Variants in GALNT13 observed in about 807,000 individuals in gnomAD.
GALNT13 encodes UDP-GalNAc:polypeptide N-acetylgalactosaminyltransferase 13.
In GALNT13, 28 loss-of-function variants were observed where a neutral mutation model predicts 64.2. The observed-to-expected ratio is 0.44, with a 90% CI of 0.32 to 0.60. The LOEUF (loss-of-function observed/expected upper bound fraction) is 0.60, where lower values mean the gene tolerates loss of function less well. GALNT13 is among the 20% of genes least tolerant of loss of function. The pLI is 0.05. For synonymous variants in GALNT13, 214 were observed against 224.6 expected, an observed-to-expected ratio of 0.95 and a Z score of 0.42; for missense variants, 577 against 669.8, an observed-to-expected ratio of 0.86 and a Z score of 1.53.
chr2:153,085,009 G>C, the GALNT13 span, among the ~76,000 whole-genome samples: 1 of 152,162 alleles, frequency 6.6e-6, no homozygotes, highest in African/African-American at 2.4e-5. Flanking sequence ...ATAGTGACAT[G>C]GACAATTAAG....
chr2:153,537,488 A>T, the GALNT13 span, among the ~76,000 whole-genome samples: 1 of 152,120 alleles, frequency 6.6e-6, no homozygotes, highest in South Asian at 2.1e-4. Context: ...GTCATTTCCT[A>T]AGTTGGAGAA....
chr2:153,802,621 A>G, the GALNT13 span, among the ~76,000 whole-genome samples: 3 of 152,344 alleles, frequency 2.0e-5, no homozygotes, highest in South Asian at 2.1e-4. Context: ...ATGGATGCCA[A>G]TTTCATGAAA....
the GALNT13 span, among the ~76,000 whole-genome samples, chr2:153,481,798 A>G: frequency 6.6e-6 from 1 of 152,318 alleles, no homozygotes; most frequent in East Asian, 1.9e-4. Flanking sequence ...TTGAAGTAGG[A>G]CCAGATACTC....
chr2:153,307,247 C>A, the GALNT13 span, among the ~76,000 whole-genome samples: 6 of 152,202 alleles, frequency 3.9e-5, no homozygotes, highest in African/African-American at 1.2e-4. Context: ...TAAAGGTTAG[C>A]TCTGAAATTG....
intron 4 of GALNT13, among the ~76,000 whole-genome samples, chr2:154,225,640 A>C (rs1267644864): frequency 6.6e-6 from 1 of 152,138 alleles, no homozygotes. Flanking sequence ...AATCACAGAC[A>C]AAGGGAGATT....
At chr2:153,910,598 C>T (rs187216456) in intron 2 of GALNT13, among the ~76,000 whole-genome samples, 63 of 152,080 alleles carry the variant, frequency 4.1e-4, no homozygotes, top group African/African-American at 1.2e-3. Flanking sequence ...ATCTTAACAC[C>T]GCCTTATCTG....
At chr2:154,142,098 C>A (rs886377756) in intron 4 of GALNT13, among the ~76,000 whole-genome samples, 2 of 152,064 alleles carry the variant, frequency 1.3e-5, no homozygotes, top group African/African-American at 4.8e-5. Flanking sequence ...AGAAATTGTT[C>A]TTTTAAGCAC....
chr2:153,417,884 A>G, the GALNT13 span, among the ~76,000 whole-genome samples: 3 of 152,194 alleles, frequency 2.0e-5, no homozygotes, highest in Non-Finnish European at 4.4e-5. Context: ...TGAGTCATAT[A>G]AATCACTGTA....
chr2:153,909,185 T>G (rs1189532204), intron 2 of GALNT13, among the ~76,000 whole-genome samples: 1 of 152,062 alleles, frequency 6.6e-6, no homozygotes, highest in Non-Finnish European at 1.5e-5. Flanking sequence ...CCTGACTTGG[T>G]TCTCAGCTTG....
chr2:153,260,594 T>A, the GALNT13 span, among the ~76,000 whole-genome samples: 1 of 152,178 alleles, frequency 6.6e-6, no homozygotes, highest in Non-Finnish European at 1.5e-5. Flanking sequence ...TTGTGTGTTA[T>A]TTGTTTGTTT....
intron 2 of GALNT13, among the ~76,000 whole-genome samples, chr2:153,928,071 G>A (rs372341941): frequency 1.9e-4 from 29 of 151,926 alleles, no homozygotes; most frequent in African/African-American, 6.5e-4. Context: ...TTGTGTCTAG[G>A]GTTCTGTGCT....
chr2:153,229,388 T>TTATAA, the GALNT13 span, among the ~76,000 whole-genome samples: 1 of 152,198 alleles, frequency 6.6e-6, no homozygotes, highest in South Asian at 2.1e-4. Context: ...AAGGATCTTA[T>TTATAA]CCTTTAGTCC....
chr2:154,336,344 T>C (rs1308757561), intron 9 of GALNT13, among the ~76,000 whole-genome samples: 1 of 152,072 alleles, frequency 6.6e-6, no homozygotes, highest in Non-Finnish European at 1.5e-5. Flanking sequence ...CACAGGCCTT[T>C]CCCAATCCAG....
intron 4 of GALNT13, among the ~76,000 whole-genome samples, chr2:154,161,843 C>T (rs1684746010): frequency 1.3e-5 from 2 of 151,404 alleles, no homozygotes; most frequent in South Asian, 4.2e-4. Flanking sequence ...TACAGTGGAG[C>T]GATCTCAGCT....
chr2:153,667,880 C>G, the GALNT13 span, among the ~76,000 whole-genome samples: 4 of 151,802 alleles, frequency 2.6e-5, no homozygotes, highest in Admixed American at 6.6e-5. Context: ...TTCAAGGGAC[C>G]CATCTAACAA....
intron 4 of GALNT13, among the ~76,000 whole-genome samples, chr2:154,145,784 T>C (rs1368322037): frequency 1.3e-5 from 2 of 151,900 alleles, no homozygotes; most frequent in Non-Finnish European, 2.9e-5. Context: ...GAATAAGACA[T>C]AGTATATATT....
At chr2:153,271,684 A>G in the GALNT13 span, among the ~76,000 whole-genome samples, 1 of 152,226 alleles carries the variant, frequency 6.6e-6, no homozygotes, top group Admixed American at 6.5e-5. Flanking sequence ...GAAAATGGCC[A>G]TACTGCCCAA....
the GALNT13 span, among the ~76,000 whole-genome samples, chr2:153,418,153 TCAGAACCAAAGACAGAGATGTGATGA>T: frequency 1.2e-4 from 19 of 152,122 alleles, no homozygotes; most frequent in East Asian, 3.7e-3. Context: ...GGCAGGAGGA[TCAGAACCAAAGACAGAGATGTGATGA>T]CAGAAGCAGA....
At chr2:153,950,164 T>A (rs1243107710) in intron 3 of GALNT13, among the ~76,000 whole-genome samples, 1 of 151,936 alleles carries the variant, frequency 6.6e-6, no homozygotes, top group Non-Finnish European at 1.5e-5. Flanking sequence ...AATCGTAGAA[T>A]ATATATAAAG....
Sources: gnomAD v4.1 joint callset for allele counts (sites outside exome capture counted in the v4.1 genomes callset) on GRCh38, gnomAD v4.1.1 for gene constraint, MANE v1.5 for transcripts, NCBI Gene and HGNC (gene_info 2026-07-23, HGNC 2026-07-21) for gene names.